Variants in EPB41L4A observed in about 807,000 individuals in gnomAD.
The protein encoded by EPB41L4A is band 4.1-like protein 4A.
In EPB41L4A, 100 loss-of-function variants were observed where a neutral mutation model predicts 108.6. The observed-to-expected ratio is 0.92, with a 90% confidence interval of 0.78 to 1.09. The LOEUF (loss-of-function observed/expected upper bound fraction) is 1.09. Among genes scored for constraint, EPB41L4A ranks in the 50% least tolerant of loss-of-function variants. The pLI is 0.00. For synonymous variants in EPB41L4A, 319 were observed against 289.0 expected, an observed-to-expected ratio of 1.10 and a Z score of -1.05; for missense variants, 1,030 against 842.7, an observed-to-expected ratio of 1.22 and a Z score of -2.75.
intron 2 of EPB41L4A, among the ~76,000 whole-genome samples, chr5:112,304,003 C>G (rs1175364739): frequency 1.3e-5 from 2 of 152,034 alleles, no homozygotes; most frequent in Admixed American, 6.6e-5. Context: ...AGATCCAGCT[C>G]ACAGACACTG....
intron 22 of EPB41L4A, among the ~76,000 whole-genome samples, chr5:112,166,813 A>G (rs1760275448): frequency 6.6e-6 from 1 of 152,212 alleles, no homozygotes; most frequent in African/African-American, 2.4e-5. Flanking sequence ...AAAGGTGTAA[A>G]AACCATTACT....
chr5:112,314,500 G>T (rs1454955425), intron 1 of EPB41L4A, among the ~76,000 whole-genome samples: 1 of 64,630 alleles, frequency 1.5e-5, no homozygotes, highest in Non-Finnish European at 2.6e-5. Flanking sequence ...AAACCCCATC[G>T]CTACTAAAAA....
chr5:112,400,991 A>T (rs1179312380), intron 1 of EPB41L4A, among the ~76,000 whole-genome samples: 1 of 152,204 alleles, frequency 6.6e-6, no homozygotes, highest in African/African-American at 2.4e-5. Flanking sequence ...TGATGAAAAT[A>T]AGAAGTTCCA....
At chr5:112,407,113 A>G (rs1038405345) in intron 1 of EPB41L4A, among the ~76,000 whole-genome samples, 2 of 152,080 alleles carry the variant, frequency 1.3e-5, no homozygotes, top group East Asian at 3.9e-4. Context: ...AGCAATGACA[A>G]GCAGAAACGA....
intron 12 of EPB41L4A, among the ~76,000 whole-genome samples, chr5:112,227,829 A>G (rs554731443): frequency 3.9e-5 from 6 of 152,360 alleles, no homozygotes; most frequent in Non-Finnish European, 8.8e-5. Flanking sequence ...ACTTCATTAT[A>G]TCGAATAATT....
intron 2 of EPB41L4A, among the ~76,000 whole-genome samples, chr5:112,291,870 T>G (rs1753663673): frequency 6.6e-6 from 1 of 152,194 alleles, no homozygotes; most frequent in African/African-American, 2.4e-5. Context: ...TTCTGAGTTT[T>G]GTAAGCTGCT....
intron 1 of EPB41L4A, among the ~76,000 whole-genome samples, chr5:112,366,447 G>A (rs577639626): frequency 6.6e-6 from 1 of 152,022 alleles, no homozygotes; most frequent in South Asian, 2.1e-4. Flanking sequence ...GGAGTACCCC[G>A]AGGCTGGCAA....
At chr5:112,363,303 A>G (rs1372614974) in intron 1 of EPB41L4A, among the ~76,000 whole-genome samples, 4 of 152,094 alleles carry the variant, frequency 2.6e-5, no homozygotes, top group Non-Finnish European at 5.9e-5. Context: ...TTTCAATTCA[A>G]ACAATCCTGA....
At chr5:112,414,870 G>C (rs1039585107) in intron 1 of EPB41L4A, among the ~76,000 whole-genome samples, 2 of 152,106 alleles carry the variant, frequency 1.3e-5, no homozygotes, top group African/African-American at 4.8e-5. Context: ...AGTTATGCAG[G>C]AGAGACACTT....
At chr5:112,296,424 A>G (rs1753986961) in intron 2 of EPB41L4A, among the ~76,000 whole-genome samples, 1 of 152,082 alleles carries the variant, frequency 6.6e-6, no homozygotes, top group Non-Finnish European at 1.5e-5. Flanking sequence ...TCTTGAATTC[A>G]TTGCTTTCAA....
At chr5:112,318,217 T>C (rs72781681) in intron 1 of EPB41L4A, among the ~76,000 whole-genome samples, 5 of 152,166 alleles carry the variant, frequency 3.3e-5, no homozygotes, top group Non-Finnish European at 5.9e-5. Context: ...TGATAGGAGT[T>C]CACAAAAATC....
At chr5:112,228,326 A>AC (rs1376684662) in intron 12 of EPB41L4A, 1 of 152,248 alleles carries the variant, frequency 6.6e-6, no homozygotes, top group African/African-American at 2.4e-5. Flanking sequence ...ACTCCGCTGC[A>AC]CAGAAACAAC....
downstream of EPB41L4A, among the ~76,000 whole-genome samples, chr5:112,160,002 C>A (rs1561435197): frequency 6.6e-6 from 1 of 150,764 alleles, no homozygotes; most frequent in Non-Finnish European, 1.5e-5. Flanking sequence ...CCACCCCGCC[C>A]GGGTTCAAGC....
intron 2 of EPB41L4A, among the ~76,000 whole-genome samples, chr5:112,289,199 C>G (rs115320239): frequency 0.023 from 3,531 of 151,886 alleles, 149 homozygotes; most frequent in African/African-American, 0.079. Context: ...TAGATAGGGC[C>G]CAGATAATAA....
intron 1 of EPB41L4A, among the ~76,000 whole-genome samples, chr5:112,349,021 T>C (rs1179066437): frequency 1.3e-5 from 2 of 152,174 alleles, no homozygotes; most frequent in Non-Finnish European, 2.9e-5. Context: ...CAGACTGTCA[T>C]GGACCCAACA....
chr5:112,228,117 C>T (rs986115367), intron 12 of EPB41L4A, among the ~76,000 whole-genome samples: 2 of 152,194 alleles, frequency 1.3e-5, no homozygotes, highest in African/African-American at 4.8e-5. Flanking sequence ...CAACCACTCA[C>T]ACCAGCTCTG....
intron 12 of EPB41L4A, among the ~76,000 whole-genome samples, chr5:112,231,888 G>C (rs919481534): frequency 1.3e-5 from 2 of 150,578 alleles, no homozygotes; most frequent in Non-Finnish European, 3.0e-5. Flanking sequence ...TGTAAGGATT[G>C]CTTGAGGCTG....
intron 1 of EPB41L4A, among the ~76,000 whole-genome samples, chr5:112,330,757 A>T (rs532424753): frequency 7.0e-6 from 1 of 143,050 alleles, no homozygotes; most frequent in South Asian, 2.2e-4. Context: ...GTATAGGTTT[A>T]AAAAAAAAAA....
chr5:112,385,419 T>A (rs1171418121), intron 1 of EPB41L4A, among the ~76,000 whole-genome samples: 1 of 143,162 alleles, frequency 7.0e-6, no homozygotes, highest in Non-Finnish European at 1.5e-5. Context: ...CAACCATTTT[T>A]AAAAAGGCCA....
Sources: gnomAD v4.1 joint callset for allele counts (sites outside exome capture counted in the v4.1 genomes callset) on GRCh38, gnomAD v4.1.1 for gene constraint, MANE v1.5 for transcripts, NCBI Gene and HGNC (gene_info 2026-07-23, HGNC 2026-07-21) for gene names.